PCDH15: variants seen among roughly 807,000 people sequenced by gnomAD.
PCDH15 encodes protocadherin-15.
PCDH15 carries 129 observed loss-of-function variants against 178.5 expected under a neutral mutation model. The observed-to-expected ratio is 0.72, with a 90% CI of 0.63 to 0.84. PCDH15 has a LOEUF of 0.84. Among genes scored for constraint, PCDH15 ranks in the 40% least tolerant of loss-of-function variants. PCDH15 has a pLI of 0.00. For missense variants in PCDH15, 2,230 were observed against 2,099.9 expected (o/e 1.06, Z -1.21); for synonymous variants, 800 against 732.0 (o/e 1.09, Z -1.50).
chr10:54,179,064 C>G (rs182339634), intron 13 of PCDH15, among the ~76,000 whole-genome samples: 3 of 152,272 alleles, frequency 2.0e-5, no homozygotes, highest in African/African-American at 7.2e-5. Flanking sequence ...CATCCCATTA[C>G]TGGATATATA....
intron 2 of PCDH15, among the ~76,000 whole-genome samples, chr10:55,415,419 T>C (rs1838455214): frequency 6.6e-6 from 1 of 151,638 alleles, no homozygotes; most frequent in East Asian, 1.9e-4. Flanking sequence ...TTAGGATCCA[T>C]TGGAAAAAGT....
chr10:54,297,401 T>C (rs1235376059), intron 8 of PCDH15, among the ~76,000 whole-genome samples: 1 of 152,176 alleles, frequency 6.6e-6, no homozygotes, highest in African/African-American at 2.4e-5. Context: ...AATACTATCC[T>C]GCAGCTTGAC....
intron 2 of PCDH15, among the ~76,000 whole-genome samples, chr10:54,936,926 A>G (rs1050023355): frequency 2.6e-5 from 4 of 151,876 alleles, no homozygotes; most frequent in African/African-American, 9.7e-5. Context: ...ACATAATCCA[A>G]AATCACAATG....
intron 1 of PCDH15, among the ~76,000 whole-genome samples, chr10:54,761,325 A>G (rs1234039810): frequency 6.6e-6 from 1 of 152,094 alleles, no homozygotes; most frequent in African/African-American, 2.4e-5. Flanking sequence ...AAGAAACCGA[A>G]TGACCTAGGT....
intron 1 of PCDH15, among the ~76,000 whole-genome samples, chr10:54,724,574 AGT>A (rs1389230712): frequency 6.6e-6 from 1 of 151,622 alleles, no homozygotes; most frequent in Admixed American, 6.6e-5. Flanking sequence ...TGTAGAGAGT[AGT>A]ATATCTTCAC....
At chr10:55,397,304 T>C (rs1837953561) in intron 2 of PCDH15, among the ~76,000 whole-genome samples, 1 of 152,144 alleles carries the variant, frequency 6.6e-6, no homozygotes, top group African/African-American at 2.4e-5. Context: ...CTCGAAATTT[T>C]TGCACTTATG....
chr10:54,439,713 T>TC (rs1206240957), intron 3 of PCDH15, among the ~76,000 whole-genome samples: 1 of 151,008 alleles, frequency 6.6e-6, no homozygotes, highest in Non-Finnish European at 1.5e-5. Flanking sequence ...ACTGCCCTCA[T>TC]CTTTTTGCCC....
rs146287748 is a variant in PCDH15 at position 55,439,276 on chromosome 10, A to G, written c.-156+188349T>C. Among the ~76,000 whole-genome samples, 18 of 152,324 alleles carry G rather than the reference A, an allele frequency of 1.2e-4. No homozygotes were observed. The East Asian group carries it at 3.5e-3, about 29-fold the overall frequency. On this transcript the variant is annotated intron_variant, in intron 2 of 5. Coordinates refer to the PCDH15 transcript ENST00000613346. ...AATTCTGGATGGCAGCACACAGGGT[A>G]TGACAGCAGTGAAGTAACAAGAAGA... is the stretch of plus-strand genomic sequence containing the variant.
intron 21 of PCDH15, among the ~76,000 whole-genome samples, chr10:53,972,413 G>A (rs561937487): frequency 6.6e-6 from 1 of 152,212 alleles, no homozygotes; most frequent in African/African-American, 2.4e-5. Flanking sequence ...AAAAGCAATG[G>A]CAACAAAAGC....
chr10:54,770,497 C>G (rs1036764214), intron 1 of PCDH15, among the ~76,000 whole-genome samples: 2 of 152,124 alleles, frequency 1.3e-5, no homozygotes, highest in Admixed American at 6.5e-5. Flanking sequence ...AAAGTACATC[C>G]AACTATGTTA....
chr10:55,054,859 G>A (rs1294355269), intron 2 of PCDH15, among the ~76,000 whole-genome samples: 5 of 151,994 alleles, frequency 3.3e-5, no homozygotes, highest in Admixed American at 3.3e-4. Flanking sequence ...TATTTAATAG[G>A]GGTTATCTGT....
intron 20 of PCDH15, among the ~76,000 whole-genome samples, chr10:53,997,930 T>C (rs1312347284): frequency 6.6e-6 from 1 of 152,216 alleles, no homozygotes; most frequent in African/African-American, 2.4e-5. Context: ...CAAAAGCAGC[T>C]AGTTGCATAT....
intron 2 of PCDH15, among the ~76,000 whole-genome samples, chr10:55,112,197 G>T: frequency 6.6e-6 from 1 of 152,138 alleles, no homozygotes; most frequent in East Asian, 1.9e-4. Context: ...TAAGGCAAAT[G>T]TGGTGTTAGG....
At chr10:54,890,275 C>A (rs1462335923) in intron 3 of PCDH15, among the ~76,000 whole-genome samples, 1 of 151,970 alleles carries the variant, frequency 6.6e-6, no homozygotes, top group African/African-American at 2.4e-5. Context: ...AAGAGGAAAG[C>A]TGATACAACT....
chr10:55,393,805 C>T (rs982189376), intron 2 of PCDH15, among the ~76,000 whole-genome samples: 45 of 152,186 alleles, frequency 3.0e-4, no homozygotes, highest in African/African-American at 1.0e-3. Flanking sequence ...CCAGGTTCAG[C>T]AACTCATAGA....
intron 26 of PCDH15, among the ~76,000 whole-genome samples, chr10:53,876,410 T>C (rs1160423479): frequency 6.6e-6 from 1 of 152,022 alleles, no homozygotes; most frequent in African/African-American, 2.4e-5. Context: ...ATGGTCTTGA[T>C]CTCCTGACCT....
intron 3 of PCDH15, among the ~76,000 whole-genome samples, chr10:54,849,701 T>G (rs939921175): frequency 3.3e-5 from 5 of 152,074 alleles, no homozygotes; most frequent in Admixed American, 6.6e-5. Context: ...ATAATTGTGG[T>G]TTTTGCCAAT....
intron 22 of PCDH15, among the ~76,000 whole-genome samples, chr10:53,960,675 T>C (rs1406296770): frequency 6.6e-6 from 1 of 152,174 alleles, no homozygotes; most frequent in Non-Finnish European, 1.5e-5. Flanking sequence ...TAATTCAACC[T>C]AGATCACAGA....
chr10:55,344,767 G>C (rs572507375), intron 2 of PCDH15, among the ~76,000 whole-genome samples: 2 of 151,912 alleles, frequency 1.3e-5, no homozygotes, highest in Non-Finnish European at 1.5e-5. Flanking sequence ...ACAAATTTAG[G>C]AGTAATTACT....
Sources: allele counts gnomAD v4.1 joint callset (sites outside exome capture counted in the v4.1 genomes callset), GRCh38; gene constraint gnomAD v4.1.1; transcripts MANE v1.5; gene names NCBI Gene and HGNC (gene_info 2026-07-23, HGNC 2026-07-21).